KLHL1: variants seen among roughly 807,000 people sequenced by gnomAD.
KLHL1 encodes kelch like family member 1.
A neutral mutation model predicts 77.7 loss-of-function variants in KLHL1; 47 were observed. The ratio of observed to expected loss-of-function variants is 0.60; its 90% CI spans 0.48 to 0.77. The LOEUF is 0.77. Among genes scored for constraint, KLHL1 ranks in the 30% least tolerant of loss-of-function variants. The pLI, the probability that KLHL1 is intolerant of heterozygous loss-of-function variation, is 0.00. For missense variants in KLHL1, 925 were observed against 910.8 expected, an observed-to-expected ratio of 1.02 and a Z score of -0.20; for synonymous variants, 360 against 325.2, an observed-to-expected ratio of 1.11 and a Z score of -1.15.
chr13:69,851,450 T>G (rs1299056429), intron 5 of KLHL1, among the ~76,000 whole-genome samples: 2 of 151,544 alleles, frequency 1.3e-5, no homozygotes, highest in East Asian at 3.9e-4. Context: ...ACAGTATGAG[T>G]TTTTTGAAAG....
At chr13:69,727,495 G>A (rs1330295763) in intron 8 of KLHL1, among the ~76,000 whole-genome samples, 1 of 152,108 alleles carries the variant, frequency 6.6e-6, no homozygotes, top group African/African-American at 2.4e-5. Flanking sequence ...ATCTAGGTAG[G>A]TTCAGGGAGC....
intron 5 of KLHL1, among the ~76,000 whole-genome samples, chr13:69,853,095 A>T (rs908403252): frequency 6.6e-6 from 1 of 151,996 alleles, no homozygotes; most frequent in African/African-American, 2.4e-5. Flanking sequence ...TTCTTCTGAC[A>T]ACCTAGTTTT....
At position 70,011,027 on chromosome 13, in the gene KLHL1, AAATTC is replaced by A. The variant is rs1349170155; in HGVS notation, c.498-35230_498-35226del. ...GGGGCAAGTTAAGATGTTGAGTAAT[AAATTC>A]AAGTTTCATAATTGTTATTGACAGT... On this transcript the variant is annotated intron_variant, in intron 1 of 10. Coordinates refer to ENST00000377844, the MANE Select transcript of KLHL1 (RefSeq NM_020866.3). Among the ~76,000 whole-genome samples, 8 of 152,256 alleles carry A rather than the reference AAATTC, an allele frequency of 5.3e-5. No homozygotes were observed. In the East Asian group the frequency reaches 1.5e-3, roughly 29 times the overall value.
chr13:69,731,824 GA>G (rs980777598), intron 8 of KLHL1, among the ~76,000 whole-genome samples: 28 of 151,816 alleles, frequency 1.8e-4, no homozygotes, highest in African/African-American at 5.6e-4. Flanking sequence ...AATGTACCTT[GA>G]AAAAAATTAA....
chr13:69,770,812 G>A (rs1041300511), intron 7 of KLHL1, among the ~76,000 whole-genome samples: 2 of 152,046 alleles, frequency 1.3e-5, no homozygotes, highest in East Asian at 1.9e-4. Flanking sequence ...GTAGTGGCAC[G>A]AGCTGGGCTC....
At chr13:69,748,988 T>C (rs1485634851) in intron 7 of KLHL1, among the ~76,000 whole-genome samples, 4 of 152,154 alleles carry the variant, frequency 2.6e-5, no homozygotes, top group Middle Eastern at 3.4e-3. Flanking sequence ...AAAGTATCCA[T>C]GTTTTCCTGG....
chr13:70,022,281 T>TTG (rs1555291218), intron 1 of KLHL1, among the ~76,000 whole-genome samples: 2 of 134,632 alleles, frequency 1.5e-5, no homozygotes, highest in African/African-American at 6.1e-5. Flanking sequence ...ACGTGTGTGT[T>TTG]TGTGTGTGTG....
At chr13:69,719,337 C>G in intron 9 of KLHL1, 32 bp downstream of exon 9, 1 of 1,591,188 alleles carries the variant, frequency 6.3e-7, no homozygotes, top group Non-Finnish European at 8.6e-7. Context: ...TGCACTGTCT[C>G]TTTCGCTGTA....
rs563793746 is a variant in KLHL1 at position 69,703,374 on chromosome 13, A to G, written c.2188-1613T>C. ...AAGAAAAAAAATTATACAGCTGGAC[A>G]ATGTGTTTGTGCTTTAATGTAACTA... On this transcript the variant is annotated intron_variant, in intron 10 of 10. Transcript: ENST00000377844. Among the ~76,000 whole-genome samples, 108 of 151,744 alleles carry G rather than the reference A, an allele frequency of 7.1e-4. 2 individuals carry two copies. The highest frequency in any genetic ancestry group is 5.7e-3 in the Admixed American group (86 of 15,178).
At chr13:69,960,280 A>C (rs940219896) in intron 3 of KLHL1, among the ~76,000 whole-genome samples, 1 of 122,458 alleles carries the variant, frequency 8.2e-6, no homozygotes, top group Non-Finnish European at 1.7e-5. Flanking sequence ...TTTTTCTGTT[A>C]GCAGAAATGC....
chr13:70,070,255 A>G (rs1267663690), intron 1 of KLHL1, among the ~76,000 whole-genome samples: 1 of 152,054 alleles, frequency 6.6e-6, no homozygotes, highest in Non-Finnish European at 1.5e-5. Context: ...ATATAAGAGA[A>G]AAGCAAATAA....
At chr13:69,748,956 T>A in intron 7 of KLHL1, among the ~76,000 whole-genome samples, 1 of 152,064 alleles carries the variant, frequency 6.6e-6, no homozygotes, top group Non-Finnish European at 1.5e-5. Flanking sequence ...GATTGTTGTT[T>A]ATTTTAAATA....
rs773097859 is a variant in KLHL1, at chr13:70,107,645, A to T, written c.55T>A (p.Trp19Arg). Residue 19 changes from tryptophan (W) to arginine (R), a missense_variant, in exon 1 of 11, where the codon TGG becomes AGG. Trp to Arg is a moderately radical substitution (Grantham distance 101). Coordinates refer to ENST00000377844, the MANE Select transcript of KLHL1 (RefSeq NM_020866.3). ...GGAGACGGGTGGCTGAAGAGTTTCC[A>T]GCGGAGTCGCAGAATGTGCTTCACA... ...FDVKHILRLR[W>R]KLFSHPSPST... The T allele has an allele frequency of 1.3e-6, 2 of 1,554,110 alleles. No individual in the cohort carries two copies. The highest frequency in any genetic ancestry group is 2.2e-5 in the East Asian group (1 of 44,548).
At position 69,740,554 on chromosome 13, in the gene KLHL1, C is replaced by A; in HGVS notation, c.1642G>T (p.Val548Leu). 1 of 1,602,492 alleles carries A rather than the reference C, an allele frequency of 6.2e-7. No homozygotes were observed. The highest frequency in any genetic ancestry group is 1.3e-5 in the African/African-American group (1 of 74,764). ...PMSTHRHGLG[V>L]TVLEGPIYAV... ...TAAATAGGGCCTTCAAGTACTGTTA[C>A]ACCTAAAATATTAGATAAATGAATG... Residue 548 changes from valine to leucine, a missense_variant and splice_region_variant, in exon 8 of 11, where the codon GTA becomes TTA. Val to Leu is a conservative substitution (Grantham distance 32, BLOSUM62 1). Coordinates refer to ENST00000377844, the MANE Select transcript of KLHL1 (RefSeq NM_020866.3).
intron 9 of KLHL1, among the ~76,000 whole-genome samples, chr13:69,718,412 G>T (rs1364993714): frequency 6.6e-6 from 1 of 151,388 alleles, no homozygotes; most frequent in Non-Finnish European, 1.5e-5. Flanking sequence ...AATATTCTAG[G>T]TTTTTTTTTC....
At chr13:69,946,929 G>A (rs1883544490) in intron 3 of KLHL1, among the ~76,000 whole-genome samples, 1 of 145,222 alleles carries the variant, frequency 6.9e-6, no homozygotes, top group African/African-American at 2.9e-5. Context: ...TACTTTCAAT[G>A]GGAAAATTGC....
intron 7 of KLHL1, among the ~76,000 whole-genome samples, chr13:69,773,075 A>T (rs1272475200): frequency 6.6e-6 from 1 of 152,130 alleles, no homozygotes; most frequent in Non-Finnish European, 1.5e-5. Flanking sequence ...AAAAAAAATA[A>T]AACCCTAAGG....
intron 1 of KLHL1, among the ~76,000 whole-genome samples, chr13:69,976,365 G>A (rs17085949): frequency 0.022 from 3,376 of 151,952 alleles, 82 homozygotes; most frequent in African/African-American, 0.061. Context: ...AAAGTAGAAT[G>A]TATTAACTCA....
chr13:70,018,628 A>C (rs566892452), intron 1 of KLHL1, among the ~76,000 whole-genome samples: 1 of 152,180 alleles, frequency 6.6e-6, no homozygotes, highest in Non-Finnish European at 1.5e-5. Flanking sequence ...GGAAAAATAC[A>C]CTTAGTGCAG....
Sources: gnomAD v4.1 joint callset for allele counts (sites outside exome capture counted in the v4.1 genomes callset) on GRCh38, gnomAD v4.1.1 for gene constraint, MANE v1.5 for transcripts, NCBI Gene and HGNC (gene_info 2026-07-23, HGNC 2026-07-21) for gene names.